Variants in SLC26A7 observed in about 807,000 individuals in gnomAD.
The protein encoded by SLC26A7 is solute carrier family 26 member 7.
A neutral mutation model predicts 82.5 loss-of-function variants in SLC26A7; 59 were observed. That is an observed-to-expected ratio of 0.72 (90% CI 0.58 to 0.89). SLC26A7 has a LOEUF of 0.89. SLC26A7 is among the 40% of genes least tolerant of loss of function. SLC26A7 has a pLI of 0.00. For synonymous variants in SLC26A7, 271 were observed against 274.3 expected, an observed-to-expected ratio of 0.99 and a Z score of 0.12; for missense variants, 820 against 793.0, an observed-to-expected ratio of 1.03 and a Z score of -0.41.
chr8:91,358,499 T>C (rs1034386895), intron 11 of SLC26A7, among the ~76,000 whole-genome samples: 7 of 151,778 alleles, frequency 4.6e-5, no homozygotes, highest in Non-Finnish European at 1.0e-4. Flanking sequence ...CTGGCTAATT[T>C]TTTTGTATTT....
intron 15 of SLC26A7, among the ~76,000 whole-genome samples, chr8:91,372,843 C>A (rs1054776613): frequency 1.3e-5 from 2 of 151,874 alleles, no homozygotes; most frequent in Non-Finnish European, 2.9e-5. Context: ...GACATGGATT[C>A]TTCATTTCCA....
chr8:91,298,389 A>G (rs960974031), intron 4 of SLC26A7, among the ~76,000 whole-genome samples: 9 of 152,184 alleles, frequency 5.9e-5, no homozygotes, highest in African/African-American at 1.9e-4. Context: ...ATAGCATAGA[A>G]CAATAAATTT....
chr8:91,390,608 A>C (rs1207053564), intron 16 of SLC26A7, among the ~76,000 whole-genome samples: 1 of 151,672 alleles, frequency 6.6e-6, no homozygotes, highest in Non-Finnish European at 1.5e-5. Flanking sequence ...TACTTCCCAG[A>C]GGTTTTCTTA....
At chr8:91,212,562 T>C (rs1367008223) in intron 1 of SLC26A7, among the ~76,000 whole-genome samples, 1 of 152,202 alleles carries the variant, frequency 6.6e-6, no homozygotes, top group Non-Finnish European at 1.5e-5. Context: ...CTGCCAGTAA[T>C]GAAACATAAG....
intron 4 of SLC26A7, among the ~76,000 whole-genome samples, chr8:91,316,671 G>A (rs1277485135): frequency 6.6e-6 from 1 of 151,292 alleles, no homozygotes; most frequent in Non-Finnish European, 1.5e-5. Context: ...AGTTATATCA[G>A]CATGACCTCT....
At chr8:91,302,545 CT>C (rs1332696134) in intron 4 of SLC26A7, among the ~76,000 whole-genome samples, 2 of 151,970 alleles carry the variant, frequency 1.3e-5, no homozygotes, top group Non-Finnish European at 2.9e-5. Context: ...AGAATACGGG[CT>C]TTTTAACAAC....
At chr8:91,369,522 A>G (rs570650258) in intron 14 of SLC26A7, among the ~76,000 whole-genome samples, 12 of 152,164 alleles carry the variant, frequency 7.9e-5, no homozygotes, top group Non-Finnish European at 1.5e-4. Context: ...CAAAATCAAA[A>G]CAAACTTAGT....
At chr8:91,251,845 T>C (rs918925954) in intron 2 of SLC26A7, among the ~76,000 whole-genome samples, 29 of 152,136 alleles carry the variant, frequency 1.9e-4, no homozygotes, top group African/African-American at 7.0e-4. Flanking sequence ...ACACCAATGT[T>C]ATTAGTAATA....
At chr8:91,287,973 GC>G (rs1260792327) in intron 2 of SLC26A7, among the ~76,000 whole-genome samples, 1 of 152,058 alleles carries the variant, frequency 6.6e-6, no homozygotes, top group Admixed American at 6.5e-5. Flanking sequence ...TACATTACCA[GC>G]AAACAAGCAA....
At chr8:91,361,140 G>C (rs1218182374) in intron 11 of SLC26A7, among the ~76,000 whole-genome samples, 1 of 152,068 alleles carries the variant, frequency 6.6e-6, no homozygotes, top group Non-Finnish European at 1.5e-5. Context: ...GGAATTTTAA[G>C]GATAAAATTC....
chr8:91,275,543 A>T (rs1811385214), intron 2 of SLC26A7, among the ~76,000 whole-genome samples: 1 of 151,962 alleles, frequency 6.6e-6, no homozygotes, highest in Non-Finnish European at 1.5e-5. Context: ...CAAGTGATCC[A>T]CCCTCCTTGG....
chr8:91,300,548 C>A (rs1248288049), intron 4 of SLC26A7, among the ~76,000 whole-genome samples: 2 of 152,062 alleles, frequency 1.3e-5, no homozygotes, highest in Non-Finnish European at 2.9e-5. Context: ...CAGGCGCCCG[C>A]CACTACGCCC....
chr8:91,313,933 A>G (rs1050923569), intron 4 of SLC26A7, among the ~76,000 whole-genome samples: 2 of 152,180 alleles, frequency 1.3e-5, no homozygotes, highest in Non-Finnish European at 2.9e-5. Flanking sequence ...TTTGAAAGCT[A>G]CTTGCAAGAA....
At chr8:91,301,677 G>C (rs188281952) in intron 4 of SLC26A7, among the ~76,000 whole-genome samples, 1 of 151,848 alleles carries the variant, frequency 6.6e-6, no homozygotes, top group Admixed American at 6.6e-5. Flanking sequence ...GAAATAGTAT[G>C]TCTACTTTTT....
intron 11 of SLC26A7, among the ~76,000 whole-genome samples, chr8:91,360,433 T>C (rs934995309): frequency 8.5e-5 from 13 of 152,184 alleles, no homozygotes; most frequent in African/African-American, 3.1e-4. Flanking sequence ...TTTGGGTCTT[T>C]AACAGGAATT....
intron 4 of SLC26A7, 152 bp from the exon 5 acceptor site, chr8:91,318,064 G>C (rs1812690043): frequency 2.2e-6 from 1 of 460,192 alleles, no homozygotes; most frequent in East Asian, 3.5e-5. Flanking sequence ...GGAAACCCAA[G>C]ATATTGTATA....
chr8:91,222,887 T>C (rs1299940966), intron 2 of SLC26A7, among the ~76,000 whole-genome samples: 8 of 152,210 alleles, frequency 5.3e-5, no homozygotes, highest in Non-Finnish European at 1.0e-4. Context: ...TTTGAATTAT[T>C]TGGAATAGTT....
At chr8:91,344,121 T>A in intron 9 of SLC26A7, 6 of 985,412 alleles carry the variant, frequency 6.1e-6, no homozygotes, top group Non-Finnish European at 7.2e-6. Context: ...TGCCAGGCAT[T>A]GGCTGTCATA....
chr8:91,338,117 A>G, intron 6 of SLC26A7, 33 bp from the exon 7 acceptor site: 5 of 1,530,762 alleles, frequency 3.3e-6, no homozygotes, highest in Non-Finnish European at 4.4e-6. Context: ...AGTAATGTAT[A>G]TATTTTTTCT....
Sources: gnomAD v4.1 joint callset for allele counts (sites outside exome capture counted in the v4.1 genomes callset) on GRCh38, gnomAD v4.1.1 for gene constraint, MANE v1.5 for transcripts, NCBI Gene and HGNC (gene_info 2026-07-23, HGNC 2026-07-21) for gene names.